The following SBK1 variants were observed in gnomAD, a reference collection of about 807,000 sequenced individuals.
SBK1 encodes serine/threonine-protein kinase SBK1.
In SBK1, 11 loss-of-function variants were observed where a neutral mutation model predicts 24.4. The ratio of observed to expected loss-of-function variants is 0.45; its 90% CI spans 0.28 to 0.75. The LOEUF (loss-of-function observed/expected upper bound fraction) is 0.75. SBK1 is among the 30% of genes least tolerant of loss of function. SBK1 has a pLI of 0.12. For synonymous variants in SBK1, 308 were observed against 284.4 expected (o/e 1.08, Z -0.83); for missense variants, 467 against 620.5 (o/e 0.75, Z 2.63).
At chr16:28,305,348 G>A (rs2044708575) in intron 1 of SBK1, among the ~76,000 whole-genome samples, 1 of 152,022 alleles carries the variant, frequency 6.6e-6, no homozygotes, top group South Asian at 2.1e-4. Context: ...AAGTAGCTGG[G>A]ATTACAGGTG....
intron 1 of SBK1, among the ~76,000 whole-genome samples, chr16:28,315,104 C>G (rs2044784359): frequency 6.6e-6 from 1 of 152,192 alleles, no homozygotes; most frequent in Admixed American, 6.5e-5. Context: ...GCCTCTCTTG[C>G]CAGTGCACAC....
At chr16:28,300,348 C>T (rs2044670453) in intron 1 of SBK1, among the ~76,000 whole-genome samples, 1 of 152,190 alleles carries the variant, frequency 6.6e-6, no homozygotes, top group Non-Finnish European at 1.5e-5. Context: ...GAGATGGGAT[C>T]TCACTCTGTT....
chr16:28,267,547 A>T (rs1246785372), intron 1 of SBK1, among the ~76,000 whole-genome samples: 1 of 152,228 alleles, frequency 6.6e-6, no homozygotes, highest in Non-Finnish European at 1.5e-5. Context: ...GGATGTTTGC[A>T]GGGGGCCATT....
At chr16:28,295,905 C>T (rs1170341263) in intron 1 of SBK1, among the ~76,000 whole-genome samples, 1 of 150,048 alleles carries the variant, frequency 6.7e-6, no homozygotes, top group African/African-American at 2.5e-5. Context: ...TCTGGGTTTG[C>T]AGGCCCAGAA....
intron 1 of SBK1, among the ~76,000 whole-genome samples, chr16:28,268,600 T>C (rs2044444390): frequency 6.6e-6 from 1 of 151,734 alleles, no homozygotes; most frequent in Non-Finnish European, 1.5e-5. Context: ...CTGTTTCTAC[T>C]AAAAATACAA....
chr16:28,305,549 T>C (rs1291964434), intron 1 of SBK1, among the ~76,000 whole-genome samples: 2 of 150,672 alleles, frequency 1.3e-5, no homozygotes, highest in Non-Finnish European at 3.0e-5. Flanking sequence ...TTTTTTTTTT[T>C]TTTAGAGAGA....
chr16:28,280,149 A>ATATATATGTGTGTGTGTGTG (rs1230385223), intron 1 of SBK1, among the ~76,000 whole-genome samples: 11 of 39,410 alleles, frequency 2.8e-4, no homozygotes, highest in South Asian at 1.7e-3. Flanking sequence ...ATATATATAT[A>ATATATATGTGTGTGTGTGTG]TGTGTGTGTG....
At position 28,310,995 on chromosome 16, in the gene SBK1, C is replaced by T. The variant is rs145426790; in HGVS notation, c.-7-6390C>T. 3.7e-4 allele frequency among the ~76,000 whole-genome samples: 57 copies of T among 152,260 alleles called. 2 individuals are homozygous for T. The East Asian group carries it at 8.5e-3, about 23-fold the overall frequency. On this transcript the variant is annotated intron_variant, in intron 1 of 3. Coordinates refer to ENST00000341901, the MANE Select transcript of SBK1 (RefSeq NM_001024401.3). ...GAGGCAGCATGTACCTGGCGGATGA[C>T]GCAGAGGCAGGGATGGGTGCGTGGA...
intron 1 of SBK1, among the ~76,000 whole-genome samples, chr16:28,270,202 C>T (rs2044456138): frequency 2.0e-5 from 3 of 151,816 alleles, no homozygotes; most frequent in Admixed American, 6.6e-5. Context: ...GCTGGGACTA[C>T]AGGCGCACAC....
chr16:28,312,010 G>A (rs1276370249), intron 1 of SBK1, among the ~76,000 whole-genome samples: 1 of 152,262 alleles, frequency 6.6e-6, no homozygotes, highest in Admixed American at 6.5e-5. Context: ...GGCCTTGCAG[G>A]GCCAAAGCCC....
chr16:28,271,053 C>CG (rs2044462467), intron 1 of SBK1, among the ~76,000 whole-genome samples: 1 of 151,070 alleles, frequency 6.6e-6, no homozygotes, highest in Non-Finnish European at 1.5e-5. Context: ...TTAGTAGAGA[C>CG]GGGGTTTCAC....
chr16:28,292,229 C>G (rs959070828), upstream of SBK1: 1 of 133,694 alleles, frequency 7.5e-6, no homozygotes, highest in Non-Finnish European at 1.6e-5. Context: ...TTCTCGCCCC[C>G]TCGTGGGCTC....
At chr16:28,278,151 G>A (rs910372802) in intron 1 of SBK1, among the ~76,000 whole-genome samples, 6 of 152,274 alleles carry the variant, frequency 3.9e-5, no homozygotes, top group Admixed American at 2.6e-4. Context: ...AGAAGGGGAG[G>A]CTTCGCCATG....
chr16:28,292,563 C>T lies in SBK1; in HGVS notation c.-745C>T, dbSNP rs957530312. On this transcript the variant is annotated 5_prime_UTR_variant, in exon 1 of 4. Transcript: ENST00000341901. ...AGCGCAGCCCGGGCGGGCGCCGGGG[C>T]CGGGGCCCGAGCGCCAGGCGGAGCG... is the stretch of plus-strand genomic sequence containing the variant. The T allele has an allele frequency of 7.1e-5, 70 of 979,318 alleles. No homozygotes were observed. The highest frequency in any genetic ancestry group is 8.2e-5 in the Non-Finnish European group (68 of 827,348). 60.7% of individuals were successfully genotyped at this position (979,318 alleles called of 1,614,324 possible). A position where few individuals can be genotyped will look rare whatever the true frequency, so the allele number is the denominator to read the frequency against.
rs749232517 is a variant in SBK1 at position 28,317,477 on chromosome 16, T to C, written c.86T>C (p.Val29Ala). 1 of 1,614,092 alleles carries C rather than the reference T, an allele frequency of 6.2e-7. No homozygotes were observed. Among genetic ancestry groups the C allele is most frequent in the Non-Finnish European group, 8.5e-7 (1 of 1,180,014 alleles). Residue 29 changes from valine to alanine, a missense_variant, in exon 2 of 4, where the codon GTG becomes GCG. Val to Ala is a moderately conservative substitution (Grantham distance 64). Around this residue, in one of 4 missense-constraint regions of SBK1, gnomAD observed 123 missense variants for 158.2 expected, o/e 0.78. Coordinates refer to ENST00000341901, the MANE Select transcript of SBK1 (RefSeq NM_001024401.3). The surrounding 1 kb of genome is among the most constrained non-coding windows in gnomAD (Gnocchi z 4.2). ...ACTGCCCCTGGGCCTGGTGCCGGTG[T>C]GCCCCTTCTCACTGAAGACATGCAG... ...PGTAPGPGAGVPLLTEDMQAL... is the reference protein window; with the variant it reads ...PGTAPGPGAGAPLLTEDMQAL...
Position 28,321,182 on chromosome 16 carries a change from A to AACACACATAC in SBK1, c.*268_*269insTACACACACA. The AACACACATAC allele has an allele frequency of 5.3e-6, 1 of 187,360 alleles. No homozygotes were observed. The highest frequency in any genetic ancestry group is 9.9e-6 in the Non-Finnish European group (1 of 100,818). The allele number at this position is 187,360 out of a possible 1,614,324, so 11.6% of individuals were successfully genotyped here. A position where few individuals can be genotyped will look rare whatever the true frequency, so the allele number is the denominator to read the frequency against. ...CCCGAGAATTCGGAGGCCACCACACAACACACACACACACACACACACACA... is the reference window on the plus strand; with the variant it reads ...CCCGAGAATTCGGAGGCCACCACACAACACACATACACACACACACACACACACACACACA... On this transcript the variant is annotated 3_prime_UTR_variant, in exon 4 of 4. Transcript: ENST00000341901.
chr16:28,261,496 G>A (rs1203242427), intron 1 of SBK1, among the ~76,000 whole-genome samples: 4 of 149,974 alleles, frequency 2.7e-5, no homozygotes, highest in South Asian at 2.1e-4. Flanking sequence ...CAGGCATGGT[G>A]GCATGCACCT....
At chr16:28,280,135 A>ATGTGTGTG (rs1303160487) in intron 1 of SBK1, among the ~76,000 whole-genome samples, 2 of 60,102 alleles carry the variant, frequency 3.3e-5, no homozygotes, top group Non-Finnish European at 8.3e-5. Context: ...ATATATATAT[A>ATGTGTGTG]TATATATATA....
At position 28,281,778 on chromosome 16, in the gene SBK1, T is replaced by C. The variant is rs559588456; in HGVS notation, c.257+22276T>C. Among the ~76,000 whole-genome samples the C allele has an allele frequency of 4.6e-5, 7 of 152,092 alleles. No homozygotes were observed. The East Asian group carries it at 1.4e-3, about 29-fold the overall frequency. On this transcript the variant is annotated intron_variant, in intron 1 of 3. Coordinates refer to the SBK1 transcript ENST00000671413. ...CTGGCACAAATCTGTGCTTGTTAAA[T>C]AAGTGGGTGGGCATGAACAGAGGCC...
Sources: gnomAD v4.1 joint callset for allele counts (sites outside exome capture counted in the v4.1 genomes callset) on GRCh38, gnomAD v4.1.1 for gene constraint, gnomAD v4.1.1 regional missense constraint, Gnocchi (gnomAD v3.1) non-coding constraint, MANE v1.5 for transcripts, NCBI Gene and HGNC (gene_info 2026-07-23, HGNC 2026-07-21) for gene names.